Variants in SUGCT observed in about 807,000 individuals in gnomAD.
SUGCT encodes succinyl-CoA:glutarate CoA-transferase.
A neutral mutation model predicts 55.0 loss-of-function variants in SUGCT; 41 were observed. The observed-to-expected ratio is 0.74, with a 90% CI of 0.58 to 0.97. The LOEUF is 0.97. SUGCT is among the 50% of genes least tolerant of loss of function. The pLI is 0.00. For synonymous variants in SUGCT, 187 were observed against 200.4 expected, an observed-to-expected ratio of 0.93 and a Z score of 0.56; for missense variants, 568 against 547.8, an observed-to-expected ratio of 1.04 and a Z score of -0.37.
the SUGCT span, among the ~76,000 whole-genome samples, chr7:40,891,084 A>C: frequency 1.3e-5 from 2 of 152,196 alleles, no homozygotes; most frequent in Non-Finnish European, 2.9e-5. Context: ...TAGCAAGCTC[A>C]AAGACAGGTC....
At chr7:40,405,809 A>T (rs1434509003) in intron 9 of SUGCT, among the ~76,000 whole-genome samples, 1 of 2,280 alleles carries the variant, frequency 4.4e-4, no homozygotes, top group African/African-American at 4.8e-4. Flanking sequence ...GACTCTGTCT[A>T]AAAAAAAAAA....
rs74680613 is a variant in SUGCT at position 40,594,975 on chromosome 7, G to A, written c.1089+98589G>A. Among the ~76,000 whole-genome samples, 431 of 152,104 alleles carry A rather than the reference G, an allele frequency of 2.8e-3. 1 individual carries two copies. Among genetic ancestry groups the A allele is most frequent in the Middle Eastern group, 0.01 (3 of 294 alleles). On this transcript the variant is annotated intron_variant, in intron 12 of 13. Coordinates refer to ENST00000335693, the MANE Select transcript of SUGCT (RefSeq NM_001193313.2). The stretch of plus-strand genomic sequence containing the variant: ...TTATGGGCAAAGTCTCCTTTTTTCT[G>A]TCATGAATGAATCATTTTACTTTAG...
chr7:40,219,679 C>A (rs1018480250), intron 6 of SUGCT, among the ~76,000 whole-genome samples: 1 of 151,870 alleles, frequency 6.6e-6, no homozygotes, highest in Non-Finnish European at 1.5e-5. Flanking sequence ...GGTGACTCTT[C>A]TGTTTGGATG....
intron 11 of SUGCT, among the ~76,000 whole-genome samples, chr7:40,479,219 C>T (rs1449460077): frequency 6.6e-6 from 1 of 151,970 alleles, no homozygotes; most frequent in Non-Finnish European, 1.5e-5. Flanking sequence ...TTTGAGATAC[C>T]GGTTCATATC....
chr7:40,590,815 G>A (rs773575522), intron 12 of SUGCT, among the ~76,000 whole-genome samples: 3 of 152,100 alleles, frequency 2.0e-5, no homozygotes, highest in Non-Finnish European at 2.9e-5. Context: ...CCTGTGCTCC[G>A]TACATGGAAC....
chr7:40,649,776 G>A (rs1453247606), intron 12 of SUGCT, among the ~76,000 whole-genome samples: 1 of 152,066 alleles, frequency 6.6e-6, no homozygotes, highest in Non-Finnish European at 1.5e-5. Context: ...TTGTCCATAT[G>A]GTAGAAATTT....
intron 13 of SUGCT, among the ~76,000 whole-genome samples, chr7:40,751,001 C>A (rs575867644): frequency 1.6e-4 from 25 of 152,152 alleles, no homozygotes; most frequent in Non-Finnish European, 3.2e-4. Flanking sequence ...AATGATATAA[C>A]AACCAACAAA....
At chr7:40,589,664 T>C (rs1386832542) in intron 12 of SUGCT, among the ~76,000 whole-genome samples, 2 of 152,184 alleles carry the variant, frequency 1.3e-5, no homozygotes, top group Non-Finnish European at 2.9e-5. Flanking sequence ...ATAACAGATA[T>C]ATAGGGAGAG....
At chr7:40,937,763 CCTTTTA>C in the SUGCT span, among the ~76,000 whole-genome samples, 4 of 151,964 alleles carry the variant, frequency 2.6e-5, no homozygotes, top group Non-Finnish European at 5.9e-5. Context: ...TTTTTTCCAT[CCTTTTA>C]CTTTTAGCCT....
chr7:40,475,965 C>T (rs1405753611), intron 11 of SUGCT, among the ~76,000 whole-genome samples: 1 of 152,084 alleles, frequency 6.6e-6, no homozygotes, highest in Non-Finnish European at 1.5e-5. Flanking sequence ...CTCACCTCCT[C>T]TTTTACTGAG....
At chr7:40,243,952 C>T (rs1789639711) in intron 7 of SUGCT, among the ~76,000 whole-genome samples, 1 of 152,100 alleles carries the variant, frequency 6.6e-6, no homozygotes, top group African/African-American at 2.4e-5. Context: ...GTGGGTGGGT[C>T]ACTTCAGGTT....
chr7:40,543,107 G>A (rs778097068), intron 12 of SUGCT, among the ~76,000 whole-genome samples: 10 of 152,244 alleles, frequency 6.6e-5, no homozygotes, highest in African/African-American at 1.9e-4. Context: ...GTTTCAATAC[G>A]TCTGTTTTTA....
the SUGCT span, among the ~76,000 whole-genome samples, chr7:40,987,947 T>G: frequency 6.6e-6 from 1 of 152,044 alleles, no homozygotes; most frequent in South Asian, 2.1e-4. Flanking sequence ...ACTTGTTCTC[T>G]TTCTCTCTGT....
chr7:40,543,698 A>G (rs760730911), intron 12 of SUGCT, among the ~76,000 whole-genome samples: 16 of 152,258 alleles, frequency 1.1e-4, no homozygotes, highest in Admixed American at 2.0e-4. Flanking sequence ...TTTATGTCAG[A>G]AAACACCAGA....
the SUGCT span, among the ~76,000 whole-genome samples, chr7:40,974,965 A>G: frequency 6.6e-6 from 1 of 152,232 alleles, no homozygotes; most frequent in South Asian, 2.1e-4. Flanking sequence ...GCTCTCTGAG[A>G]GTAAAATAAA....
At chr7:40,492,756 G>A (rs1423684207) in intron 11 of SUGCT, among the ~76,000 whole-genome samples, 3 of 152,148 alleles carry the variant, frequency 2.0e-5, no homozygotes, top group East Asian at 1.9e-4. Context: ...TGCCTCCGTG[G>A]GTCCAGTGCA....
chr7:40,921,170 A>T, the SUGCT span, among the ~76,000 whole-genome samples: 3 of 152,188 alleles, frequency 2.0e-5, no homozygotes, highest in Non-Finnish European at 4.4e-5. Context: ...ATATTGTAAG[A>T]ATCACTTTAA....
At chr7:40,152,098 T>C (rs1231000810) in intron 1 of SUGCT, among the ~76,000 whole-genome samples, 1 of 152,192 alleles carries the variant, frequency 6.6e-6, no homozygotes, top group Non-Finnish European at 1.5e-5. Flanking sequence ...AATAGTGATG[T>C]TATCCCTAAG....
intron 12 of SUGCT, among the ~76,000 whole-genome samples, chr7:40,658,976 C>G (rs1801169150): frequency 6.6e-6 from 1 of 152,148 alleles, no homozygotes; most frequent in Admixed American, 6.5e-5. Context: ...GAACAGTACT[C>G]TATTTGTCCC....
Sources: allele counts gnomAD v4.1 joint callset (sites outside exome capture counted in the v4.1 genomes callset), GRCh38; gene constraint gnomAD v4.1.1; transcripts MANE v1.5; gene names NCBI Gene and HGNC (gene_info 2026-07-23, HGNC 2026-07-21).